Variants in RALGAPA1 observed in about 807,000 individuals in gnomAD.
RALGAPA1 encodes the protein Ral GTPase activating protein catalytic subunit alpha 1, also known as ral GTPase-activating protein subunit alpha-1.
Under a neutral mutation model 269.6 loss-of-function variants are expected in RALGAPA1, and 52 were observed. That is an observed-to-expected ratio of 0.19 (90% CI 0.15 to 0.24). The LOEUF (loss-of-function observed/expected upper bound fraction) is 0.24, where lower values mean the gene tolerates loss of function less well. Among genes scored for constraint, RALGAPA1 ranks in the 10% least tolerant of loss-of-function variants. The pLI is 1.00. For missense variants in RALGAPA1, 1,917 were observed against 3,013.9 expected, an observed-to-expected ratio of 0.64 and a Z score of 8.52; for synonymous variants, 817 against 1,008.3, an observed-to-expected ratio of 0.81 and a Z score of 3.60.
chr14:35,543,944 G>C (rs891663219), intron 41 of RALGAPA1, among the ~76,000 whole-genome samples: 2 of 151,994 alleles, frequency 1.3e-5, no homozygotes, highest in East Asian at 3.9e-4. Context: ...GCCTGGCCAG[G>C]AAATAACATA....
chr14:35,559,239 G>A (rs2055926335), intron 39 of RALGAPA1, among the ~76,000 whole-genome samples: 2 of 152,068 alleles, frequency 1.3e-5, no homozygotes, highest in South Asian at 4.2e-4. Flanking sequence ...ATATCAAAAG[G>A]CCTATGTTTA....
intron 35 of RALGAPA1, among the ~76,000 whole-genome samples, chr14:35,617,241 G>A (rs146922901): frequency 0.011 from 1,632 of 152,230 alleles, 13 homozygotes; most frequent in Non-Finnish European, 0.016. Flanking sequence ...CAGCACTTTG[G>A]GAGGCTGAGG....
intron 39 of RALGAPA1, among the ~76,000 whole-genome samples, chr14:35,550,292 G>A (rs1385607703): frequency 6.6e-6 from 1 of 152,106 alleles, no homozygotes; most frequent in African/African-American, 2.4e-5. Flanking sequence ...ACTTTTAAAA[G>A]TTTCCCTGTG....
At chr14:35,560,218 G>A (rs1045852156) in intron 39 of RALGAPA1, among the ~76,000 whole-genome samples, 10 of 152,200 alleles carry the variant, frequency 6.6e-5, no homozygotes, top group African/African-American at 2.4e-4. Flanking sequence ...ACAATCAGTA[G>A]CATTAGAAAA....
intron 41 of RALGAPA1, among the ~76,000 whole-genome samples, chr14:35,546,072 C>G (rs1378010358): frequency 6.6e-6 from 1 of 152,052 alleles, no homozygotes; most frequent in Non-Finnish European, 1.5e-5. Flanking sequence ...CAAAGTGTGA[C>G]ATCACGATAT....
intron 39 of RALGAPA1, among the ~76,000 whole-genome samples, chr14:35,564,852 C>CA (rs936210134): frequency 2.0e-5 from 3 of 151,882 alleles, no homozygotes; most frequent in African/African-American, 7.3e-5. Context: ...TTCTGAGGCC[C>CA]AGATTTTCTA....
At chr14:35,616,378 G>A (rs2060253814) in intron 35 of RALGAPA1, among the ~76,000 whole-genome samples, 1 of 151,794 alleles carries the variant, frequency 6.6e-6, no homozygotes, top group East Asian at 1.9e-4. Flanking sequence ...TAGAAGTTGG[G>A]GCAGAGGACT....
chr14:35,555,811 A>AT (rs1256389832), intron 39 of RALGAPA1, among the ~76,000 whole-genome samples: 1 of 152,216 alleles, frequency 6.6e-6, no homozygotes, highest in Non-Finnish European at 1.5e-5. Flanking sequence ...CTTTTAATTA[A>AT]TAGTCCAATG....
Position 35,538,811 on chromosome 14 carries a change from G to A in RALGAPA1, c.*903C>T, listed in dbSNP as rs1274134086. On this transcript the variant is annotated 3_prime_UTR_variant, in exon 42 of 42. Transcript: ENST00000680220. The stretch of plus-strand genomic sequence containing the variant: ...AGGATCTAGCAGCCAATAATAAAAG[G>A]CCACAATCTGAAAACAAATGGCATT... 1.1e-4 allele frequency: 16 copies of A among 146,618 alleles called. 1 individual carries two copies. In the South Asian group the frequency reaches 1.5e-3, roughly 14 times the overall value. 9.1% of individuals were successfully genotyped at this position (146,618 alleles called of 1,614,324 possible).
At position 35,689,081 on chromosome 14, in the gene RALGAPA1, G is replaced by A. The variant is rs547439950; in HGVS notation, c.3330C>T (p.Asn1110=). 2 of 1,236,430 alleles carry A rather than the reference G, an allele frequency of 1.6e-6. No individual in the cohort carries two copies. The highest frequency in any genetic ancestry group is 4.1e-5 in the South Asian group (1 of 24,688). The allele number at this position is 1,236,430 out of a possible 1,614,324, so 76.6% of individuals were successfully genotyped here. The change falls in exon 18 of 42, where the codon AAC becomes AAT. Residue 1110 remains asparagine, a synonymous_variant. Coordinates refer to ENST00000680220, the MANE Select transcript of RALGAPA1 (RefSeq NM_001346249.2). ...AKKATLKAPV[N]RRMPHVTSTS... ...TACTTGTAACATGAGGCATTCTGCG[G>A]TTAACAGGTGCTTTTAGTGTTGCTT... is the stretch of plus-strand genomic sequence containing the variant.
Position 35,689,461 on chromosome 14 carries a change from C to T in RALGAPA1, c.2950G>A (p.Glu984Lys). The T allele has an allele frequency of 8.1e-7, 1 of 1,233,632 alleles. No homozygotes were observed. Among genetic ancestry groups the T allele is most frequent in the African/African-American group, 1.5e-5 (1 of 64,534 alleles). The allele number at this position is 1,233,632 out of a possible 1,614,324, so 76.4% of individuals were successfully genotyped here. A position where few individuals can be genotyped will look rare whatever the true frequency, so the allele number is the denominator to read the frequency against. Residue 984 changes from glutamate (E) to lysine (K), a missense_variant, in exon 18 of 42, where the codon GAA (glutamate) becomes AAA (lysine). By Grantham distance (56) the Glu-to-Lys change is moderately conservative. Around this residue, in one of 11 missense-constraint regions of RALGAPA1, gnomAD observed 615 missense variants for 790.0 expected, o/e 0.78. Transcript: ENST00000680220. The part of the protein sequence containing the change: ...RGERLSLDKL[E>K]CTDQETESEN... ...GATTCAGTTTCCTGATCTGTGCATT[C>T]TAATTTATCTAAGGATAATCTTTCA...
intron 41 of RALGAPA1, among the ~76,000 whole-genome samples, chr14:35,541,338 C>A (rs183884071): frequency 2.6e-5 from 4 of 152,032 alleles, no homozygotes; most frequent in African/African-American, 9.7e-5. Context: ...AGCCACCGCA[C>A]CCGGCCTTCA....
chr14:35,576,430 G>A (rs906949609), intron 37 of RALGAPA1, among the ~76,000 whole-genome samples: 2 of 152,240 alleles, frequency 1.3e-5, no homozygotes, highest in Admixed American at 1.3e-4. Context: ...GCTTATGAAG[G>A]TCTATTGTTA....
intron 16 of RALGAPA1, among the ~76,000 whole-genome samples, chr14:35,708,297 A>G (rs973917706): frequency 1.3e-5 from 2 of 152,168 alleles, no homozygotes; most frequent in South Asian, 2.1e-4. Flanking sequence ...AAAGTAAATC[A>G]TCAACAAAGT....
Position 35,689,213 on chromosome 14 carries a change from T to C in RALGAPA1, c.3198A>G (p.Gln1066=), listed in dbSNP as rs2066260584. ...CACAAGCATCTAATTCTGTGGCTGCTTGTCTGTACAGATGTTTCCTTTTTT... is the reference window on the plus strand; with the variant it reads ...CACAAGCATCTAATTCTGTGGCTGCCTGTCTGTACAGATGTTTCCTTTTTT... The part of the protein sequence containing the change: ...DKEKRKHLYR[Q]AATELDACVD... The change falls in exon 18 of 42, where the codon CAA becomes CAG. Residue 1066 remains glutamine, a synonymous_variant. Coordinates refer to ENST00000680220, the MANE Select transcript of RALGAPA1 (RefSeq NM_001346249.2). The C allele has an allele frequency of 2.4e-6, 3 of 1,232,840 alleles. No individual in the cohort carries two copies. Among genetic ancestry groups the C allele is most frequent in the African/African-American group, 1.5e-5 (1 of 64,536 alleles). The allele number at this position is 1,232,840 out of a possible 1,614,324, so 76.4% of individuals were successfully genotyped here. A position where few individuals can be genotyped will look rare whatever the true frequency, so the allele number is the denominator to read the frequency against.
chr14:35,542,067 GA>G, intron 41 of RALGAPA1: 5 of 1,134,844 alleles, frequency 4.4e-6, no homozygotes, highest in South Asian at 1.3e-5. Flanking sequence ...AAGAAAAGAA[GA>G]AAAAAGGTCT....
intron 39 of RALGAPA1, among the ~76,000 whole-genome samples, chr14:35,568,321 T>C (rs1375416723): frequency 2.0e-5 from 3 of 152,136 alleles, no homozygotes; most frequent in Non-Finnish European, 4.4e-5. Context: ...GTAAGTATAA[T>C]GAAATTTTCC....
chr14:35,705,223 T>C (rs1329820633), intron 16 of RALGAPA1, among the ~76,000 whole-genome samples: 2 of 152,292 alleles, frequency 1.3e-5, no homozygotes, highest in South Asian at 2.1e-4. Context: ...GTACCTTCTA[T>C]GGGTTTTGAG....
chr14:35,604,180 C>T (rs2059446742), intron 36 of RALGAPA1, among the ~76,000 whole-genome samples: 1 of 151,982 alleles, frequency 6.6e-6, no homozygotes, highest in Non-Finnish European at 1.5e-5. Flanking sequence ...ACATACTGAT[C>T]TAAATACTAC....
Sources: gnomAD v4.1 joint callset for allele counts (sites outside exome capture counted in the v4.1 genomes callset) on GRCh38, gnomAD v4.1.1 for gene constraint, gnomAD v4.1.1 regional missense constraint, MANE v1.5 for transcripts, NCBI Gene and HGNC (gene_info 2026-07-23, HGNC 2026-07-21) for gene names.